Variants in TTC29 observed in about 807,000 individuals in gnomAD.
TTC29 encodes tetratricopeptide repeat protein 29.
In TTC29, 49 loss-of-function variants were observed where a neutral mutation model predicts 58.1. The ratio of observed to expected loss-of-function variants is 0.84; its 90% CI spans 0.67 to 1.07. The LOEUF (loss-of-function observed/expected upper bound fraction) is 1.07, where lower values mean the gene tolerates loss of function less well. Among genes scored for constraint, TTC29 ranks in the 50% least tolerant of loss-of-function variants. The probability of loss-of-function intolerance (pLI) is 0.00; values close to 1 mark genes in which losing one functional copy is unlikely to be tolerated. For missense variants in TTC29, 582 were observed against 555.6 expected (o/e 1.05, Z -0.48); for synonymous variants, 209 against 196.8 (o/e 1.06, Z -0.52).
chr4:146,845,738 C>T (rs1490960519), intron 8 of TTC29, among the ~76,000 whole-genome samples: 2 of 152,110 alleles, frequency 1.3e-5, no homozygotes, highest in Admixed American at 1.3e-4. Flanking sequence ...TGCCTCCAGG[C>T]CCTTGTTAAT....
intron 10 of TTC29, among the ~76,000 whole-genome samples, chr4:146,808,558 C>CA (rs1345462762): frequency 6.6e-6 from 1 of 152,178 alleles, no homozygotes; most frequent in Non-Finnish European, 1.5e-5. Context: ...GATACAAAAT[C>CA]AATGTGCAAA....
At chr4:146,809,877 C>G (rs1455079660) in intron 10 of TTC29, among the ~76,000 whole-genome samples, 1 of 145,324 alleles carries the variant, frequency 6.9e-6, no homozygotes, top group Non-Finnish European at 1.5e-5. Flanking sequence ...AATCTAGAAC[C>G]AGAAATACCA....
intron 11 of TTC29, among the ~76,000 whole-genome samples, chr4:146,767,597 T>C (rs1747422920): frequency 6.6e-6 from 1 of 152,202 alleles, no homozygotes; most frequent in Non-Finnish European, 1.5e-5. Flanking sequence ...ACTCTGTTAA[T>C]TCACATAACA....
At chr4:146,912,193 C>T (rs1733942560) in intron 4 of TTC29, among the ~76,000 whole-genome samples, 1 of 152,136 alleles carries the variant, frequency 6.6e-6, no homozygotes, top group Non-Finnish European at 1.5e-5. Context: ...TCCTGGGCCG[C>T]ATGTGGCCCA....
At chr4:146,892,005 T>C (rs1355014986) in intron 6 of TTC29, among the ~76,000 whole-genome samples, 1 of 152,162 alleles carries the variant, frequency 6.6e-6, no homozygotes, top group Non-Finnish European at 1.5e-5. Context: ...ACTGAGTTTC[T>C]GAGATGTCTG....
At chr4:146,768,122 ATTT>A (rs2150070796) in intron 11 of TTC29, among the ~76,000 whole-genome samples, 1 of 152,056 alleles carries the variant, frequency 6.6e-6, no homozygotes, top group East Asian at 1.9e-4. Flanking sequence ...ATGATATGTA[ATTT>A]TTTTAGAGGA....
intron 11 of TTC29, among the ~76,000 whole-genome samples, chr4:146,726,238 G>C (rs540259968): frequency 2.0e-5 from 3 of 152,190 alleles, no homozygotes; most frequent in African/African-American, 7.2e-5. Context: ...TGGATCACTT[G>C]AGGCCAGGAG....
In TTC29 at chr4:146,737,277, C is replaced by T. The variant is rs541454958; in HGVS notation, c.1331-29726G>A. Reference sequence around the variant, plus strand: ...GATTGGGGGATGCATTAAAGTAGAACAAGTCAATATTCATTAGAAGAACTC... The same window carrying T: ...GATTGGGGGATGCATTAAAGTAGAATAAGTCAATATTCATTAGAAGAACTC... On this transcript the variant is annotated intron_variant, in intron 11 of 12. Transcript: ENST00000325106. Among the ~76,000 whole-genome samples the T allele has an allele frequency of 4.6e-5, 7 of 152,116 alleles. No homozygotes were observed. In the East Asian group the frequency reaches 1.2e-3, roughly 25 times the overall value.
chr4:146,711,670 G>A (rs1742503455), intron 11 of TTC29, among the ~76,000 whole-genome samples: 1 of 152,096 alleles, frequency 6.6e-6, no homozygotes, highest in South Asian at 2.1e-4. Flanking sequence ...TTAACGATGA[G>A]ATGTTTTGTT....
chr4:146,803,350 C>G (rs1191586788), intron 11 of TTC29, 107 bp downstream of exon 11: 20 of 800,882 alleles, frequency 2.5e-5, no homozygotes, highest in Non-Finnish European at 3.7e-5. Context: ...ATTGAAATTA[C>G]CAATCAAATT....
intron 8 of TTC29, among the ~76,000 whole-genome samples, chr4:146,847,216 T>TA (rs908682664): frequency 1.3e-5 from 2 of 152,092 alleles, no homozygotes; most frequent in African/African-American, 4.8e-5. Context: ...TAAGTGTAAA[T>TA]AATAAATGTC....
At chr4:146,808,063 T>C (rs1300309916) in intron 10 of TTC29, among the ~76,000 whole-genome samples, 3 of 152,180 alleles carry the variant, frequency 2.0e-5, no homozygotes, top group African/African-American at 7.2e-5. Context: ...GCTTCATTCC[T>C]GGGATGCAAA....
rs1187670365 is a variant in TTC29 at position 146,707,595 on chromosome 4, G to C, written c.1331-44C>G. 4 of 1,380,316 alleles carry C rather than the reference G, an allele frequency of 2.9e-6. No individual in the cohort carries two copies. The South Asian group carries it at 4.9e-5, about 17-fold the overall frequency. 85.5% of individuals were successfully genotyped at this position (1,380,316 alleles called of 1,614,324 possible). On this transcript the variant is annotated intron_variant, in intron 11 of 12. Coordinates refer to ENST00000325106, the MANE Select transcript of TTC29 (RefSeq NM_031956.4). Reference sequence around the variant, plus strand: ...AAGTTAATAGATTATCATGAACACAGTTTATAGTTATTTTGATCTTGAACC... The same window carrying C: ...AAGTTAATAGATTATCATGAACACACTTTATAGTTATTTTGATCTTGAACC...
rs138722733 is a variant in TTC29, at chr4:146,818,670, A to G, written c.1101+1455T>C. On this transcript the variant is annotated intron_variant, in intron 10 of 12. Transcript: ENST00000325106. ...TGCAGCAGTATTCACAATAGCAAAG[A>G]CTTGGAACCAACCCAAATGTCCAAC... Among the ~76,000 whole-genome samples, 1,108 of 152,284 alleles carry G rather than the reference A, an allele frequency of 7.3e-3. 14 individuals are homozygous for G. Among genetic ancestry groups the G allele is most frequent in the African/African-American group, 0.025 (1,058 of 41,524 alleles).
intron 3 of TTC29, among the ~76,000 whole-genome samples, chr4:146,938,886 T>C (rs1011135142): frequency 4.6e-5 from 7 of 152,196 alleles, no homozygotes; most frequent in African/African-American, 1.7e-4. Flanking sequence ...TTACTAAAAG[T>C]CAATAGAATT....
intron 4 of TTC29, 107 bp from the exon 5 acceptor site, chr4:146,909,356 C>T: frequency 1.2e-6 from 1 of 856,412 alleles, no homozygotes; most frequent in Non-Finnish European, 1.8e-6. Flanking sequence ...CCTTTTATCC[C>T]TCAGTGAAAG....
intron 5 of TTC29, among the ~76,000 whole-genome samples, chr4:146,908,454 G>A (rs1217057645): frequency 6.6e-6 from 1 of 151,962 alleles, no homozygotes; most frequent in Non-Finnish European, 1.5e-5. Context: ...GGAAAATTTT[G>A]AAATACAAAA....
chr4:146,711,587 A>C (rs943928261), intron 11 of TTC29, among the ~76,000 whole-genome samples: 1 of 152,208 alleles, frequency 6.6e-6, no homozygotes, highest in African/African-American at 2.4e-5. Flanking sequence ...ATGTTTTATG[A>C]AACTGATTAA....
rs138032717 is a variant in TTC29 at position 146,866,812 on chromosome 4, T to C, written c.885+686A>G. Among the ~76,000 whole-genome samples the C allele has an allele frequency of 9.3e-4, 142 of 152,294 alleles. 1 individual carries two copies. Among genetic ancestry groups the C allele is most frequent in the African/African-American group, 2.8e-3 (118 of 41,574 alleles). On this transcript the variant is annotated intron_variant, in intron 8 of 12. Transcript: ENST00000325106. ...AGCTAAAAATTAATCCAATATTGTG[T>C]ATCACATTGGATTATTATAAGAGAT... is the stretch of plus-strand genomic sequence containing the variant.
Sources: allele counts gnomAD v4.1 joint callset (sites outside exome capture counted in the v4.1 genomes callset), GRCh38; gene constraint gnomAD v4.1.1; transcripts MANE v1.5; gene names NCBI Gene and HGNC (gene_info 2026-07-23, HGNC 2026-07-21).